Variants in DNAH3 observed in about 807,000 individuals in gnomAD.
The protein encoded by DNAH3 is axonemal beta dynein heavy chain 3.
DNAH3 carries 332 observed loss-of-function variants against 432.5 expected under a neutral mutation model. The ratio of observed to expected loss-of-function variants is 0.77; its 90% confidence interval spans 0.70 to 0.84. The LOEUF (loss-of-function observed/expected upper bound fraction) is 0.84. DNAH3 is among the 40% of genes least tolerant of loss of function. The pLI, the probability that DNAH3 is intolerant of heterozygous loss-of-function variation, is 0.00. For missense variants in DNAH3, 4,861 were observed against 5,114.0 expected (o/e 0.95, Z 1.51); for synonymous variants, 1,956 against 1,900.2 (o/e 1.03, Z -0.76).
chr16:21,055,116 AG>A (rs1322612676), intron 27 of DNAH3, among the ~76,000 whole-genome samples: 2 of 151,910 alleles, frequency 1.3e-5, no homozygotes, highest in Non-Finnish European at 1.5e-5. Context: ...AAAAGACAGT[AG>A]GGCAATTGGC....
intron 5 of DNAH3, chr16:21,140,291 G>T: frequency 2.8e-6 from 1 of 351,026 alleles, no homozygotes; most frequent in Non-Finnish European, 5.1e-6. Context: ...ATTCTAAAAG[G>T]ACTCAAGGTA....
intron 31 of DNAH3, 73 bp downstream of exon 31, chr16:21,049,496 A>T: frequency 8.5e-7 from 1 of 1,177,918 alleles, no homozygotes; most frequent in Non-Finnish European, 1.3e-6. Flanking sequence ...CCCTGTTATT[A>T]AGGGGTGCAG....
intron 1 of DNAH3, among the ~76,000 whole-genome samples, chr16:21,154,586 C>T (rs8049185): frequency 0.015 from 2,228 of 152,270 alleles, 63 homozygotes; most frequent in African/African-American, 0.05. Flanking sequence ...GGGACTGCTG[C>T]TAGGCACTTA....
exon 43 of DNAH3, chr16:21,000,260 C>G: frequency 6.2e-7 from 1 of 1,613,956 alleles, no homozygotes; most frequent in Middle Eastern, 1.7e-4. Flanking sequence ...ATGGGAGGCC[C>G]GAAAAGGCCC....
chr16:21,000,178 A>G (rs1186957093), intron 43 of DNAH3, 46 bp downstream of exon 43: 1 of 1,580,506 alleles, frequency 6.3e-7, no homozygotes, highest in East Asian at 2.2e-5. Context: ...GCTGCAGCTT[A>G]TGGTGGAAGA....
rs1447606948 is a variant in DNAH3 at position 21,037,855 on chromosome 16, T to C, written c.4856A>G (p.Lys1619Arg). 3.1e-6 allele frequency: 5 copies of C among 1,614,226 alleles called. No homozygotes were observed. The highest frequency in any genetic ancestry group is 3.3e-5 in the Admixed American group (2 of 60,018). The change falls in exon 34 of 62, where the codon AAG becomes AGG. Residue 1619 changes from lysine (K) to arginine (R), a missense_variant. By Grantham distance (26) the Lys-to-Arg change is conservative. Transcript: ENST00000261383. ...GACACTTTCATTCTCCTCTGGATAC[T>C]TGAGCTTCAGGTTTCCTGCGGCAGT... is the stretch of plus-strand genomic sequence containing the variant.
chr16:21,034,096 A>T lies in DNAH3; in HGVS notation c.5086-11T>A, dbSNP rs779818364. ...CATCATTTCGTAGATCTGGGAGGAGACATCATTCATAAAAGAAGCTAATCA... is the reference window on the plus strand; with the variant it reads ...CATCATTTCGTAGATCTGGGAGGAGTCATCATTCATAAAAGAAGCTAATCA... On this transcript the variant is annotated splice_polypyrimidine_tract_variant and intron_variant, in intron 35 of 61. Coordinates refer to ENST00000261383, the Ensembl canonical transcript of DNAH3. 1 of 1,572,294 alleles carries T rather than the reference A, an allele frequency of 6.4e-7. No homozygotes were observed. Among genetic ancestry groups the T allele is most frequent in the East Asian group, 2.2e-5 (1 of 44,606 alleles).
At chr16:20,965,047 A>G in exon 53 of DNAH3, 1 of 1,613,910 alleles carries the variant, frequency 6.2e-7, no homozygotes, top group South Asian at 1.1e-5. Flanking sequence ...CTTGGTGTTC[A>G]TCTCTTCAAA....
At position 21,077,443 on chromosome 16, in the gene DNAH3, G is replaced by A. The variant is rs561813852; in HGVS notation, c.2970-1882C>T. 1.6e-4 allele frequency among the ~76,000 whole-genome samples: 25 copies of A among 152,278 alleles called. No homozygotes were observed. The South Asian group carries it at 5.2e-3, about 32-fold the overall frequency. On this transcript the variant is annotated intron_variant, in intron 20 of 61. Coordinates refer to ENST00000261383, the Ensembl canonical transcript of DNAH3. ...CTCCCAAAGTGCTGGAATTACAGGC[G>A]TGAGCCACCATGCCCGGCCAGTATT... is the stretch of plus-strand genomic sequence containing the variant.
At chr16:21,034,265 A>G (rs1289838613) in intron 35 of DNAH3, among the ~76,000 whole-genome samples, 180 bp from the exon 36 acceptor site, 1 of 152,188 alleles carries the variant, frequency 6.6e-6, no homozygotes, top group African/African-American at 2.4e-5. Context: ...ACGAAAAAAT[A>G]TATGTGTGTG....
At chr16:21,068,313 CT>C (rs1481743839) in intron 23 of DNAH3, among the ~76,000 whole-genome samples, 11 of 103,944 alleles carry the variant, frequency 1.1e-4, no homozygotes, top group Non-Finnish European at 1.7e-4. Flanking sequence ...TTGTATATTA[CT>C]TTTTTTTGGG....
At chr16:20,984,945 G>C in intron 48 of DNAH3, 104 bp downstream of exon 48, 1 of 1,033,422 alleles carries the variant, frequency 9.7e-7, no homozygotes, top group Non-Finnish European at 1.4e-6. Context: ...TGCGTTGGCT[G>C]AATCAACCCT....
intron 3 of DNAH3, 120 bp from the exon 5 acceptor site, chr16:21,141,492 G>A (rs537107232): frequency 2.5e-5 from 17 of 669,888 alleles, no homozygotes; most frequent in East Asian, 2.0e-4. Context: ...GACATGGTAC[G>A]GTGTGACGTG....
intron 52 of DNAH3, among the ~76,000 whole-genome samples, chr16:20,967,564 G>T (rs572498049): frequency 1.6e-4 from 24 of 145,980 alleles, no homozygotes; most frequent in African/African-American, 5.9e-4. Flanking sequence ...GTGCAATGGC[G>T]TGGTCTCGGC....
chr16:21,037,606 T>A (rs978650819), intron 34 of DNAH3, among the ~76,000 whole-genome samples, 155 bp downstream of exon 34: 39 of 152,218 alleles, frequency 2.6e-4, no homozygotes, highest in African/African-American at 8.2e-4. Flanking sequence ...TCTATCACTC[T>A]TATTATTTAA....
rs562476636 is a variant in DNAH3, at chr16:20,940,342, G to A, written c.11654+1059C>T. ...CTCCCAAAGTGCTGGGATTGTAGGC[G>A]TGAGTGATCATGCTCAGCCTCAGTT... is the stretch of plus-strand genomic sequence containing the variant. On this transcript the variant is annotated intron_variant, in intron 59 of 61. Transcript: ENST00000261383. Among the ~76,000 whole-genome samples, 8 of 152,006 alleles carry A rather than the reference G, an allele frequency of 5.3e-5. 1 individual carries two copies. The highest frequency in any genetic ancestry group is 3.9e-4 in the Admixed American group (6 of 15,266).
chr16:20,988,152 T>G (rs2051222674), intron 44 of DNAH3, 87 bp from the exon 45 acceptor site: 13 of 1,553,374 alleles, frequency 8.4e-6, no homozygotes, highest in Non-Finnish European at 1.1e-5. Context: ...CGAGGTGGCT[T>G]TGCCTTCTGC....
Position 20,982,898 on chromosome 16 carries a change from G to A in DNAH3, c.7682C>T (p.Ser2561Phe). Residue 2561 changes from serine (S) to phenylalanine (F), a missense_variant, in exon 49 of 62, where the codon TCC becomes TTC. Physicochemically the swap from Ser to Phe is radical, Grantham distance 155. Transcript: ENST00000261383. ...TATTGGACTCATGGCTAATGAAAAG[G>A]AGATTTTGTTAATTACCTTCCTCCA... The A allele has an allele frequency of 6.2e-7, 1 of 1,613,686 alleles. No homozygotes were observed.
At chr16:21,108,417 G>GA (rs1236496186) in intron 14 of DNAH3, among the ~76,000 whole-genome samples, 4 of 152,120 alleles carry the variant, frequency 2.6e-5, no homozygotes, top group South Asian at 2.1e-4. Context: ...TTGCTTAAGG[G>GA]AAAAAAATGC....
Sources: allele counts gnomAD v4.1 joint callset (sites outside exome capture counted in the v4.1 genomes callset), GRCh38; gene constraint gnomAD v4.1.1; transcripts MANE v1.5; gene names NCBI Gene and HGNC (gene_info 2026-07-23, HGNC 2026-07-21).